FYCO1: variants seen among roughly 807,000 people sequenced by gnomAD.
The protein encoded by FYCO1 is FYVE and coiled-coil domain autophagy adaptor 1.
In FYCO1, 122 loss-of-function variants were observed where a neutral mutation model predicts 165.1. The ratio of observed to expected loss-of-function variants is 0.74; its 90% CI spans 0.64 to 0.86. The LOEUF (loss-of-function observed/expected upper bound fraction) is 0.86, where lower values mean the gene tolerates loss of function less well. Ranked by LOEUF, FYCO1 falls within the 40% of genes least tolerant of loss-of-function variation. FYCO1 has a pLI of 0.00. For synonymous variants in FYCO1, 648 were observed against 742.5 expected, an observed-to-expected ratio of 0.87 and a Z score of 2.07; for missense variants, 1,702 against 1,810.3, an observed-to-expected ratio of 0.94 and a Z score of 1.09.
Position 45,979,914 on chromosome 3 carries a change from C to T in FYCO1, c.163-84G>A, listed in dbSNP as rs538799425. 1.1e-4 allele frequency: 169 copies of T among 1,540,660 alleles called. 1 individual carries two copies. In the South Asian group the frequency reaches 1.7e-3, roughly 16 times the overall value. ...TTTAAATGATAAATAATAACAATAG[C>T]TTCTTAGGTGCCAGCACTGGGTGAG... On this transcript the variant is annotated intron_variant, in intron 3 of 17. Coordinates refer to ENST00000296137, the MANE Select transcript of FYCO1 (RefSeq NM_024513.4).
chr3:45,980,168 G>A (rs1310445319), intron 3 of FYCO1, among the ~76,000 whole-genome samples: 1 of 152,146 alleles, frequency 6.6e-6, no homozygotes, highest in Non-Finnish European at 1.5e-5. Context: ...GGCCAACATG[G>A]TGAAACCCCA....
At chr3:45,995,039 T>C (rs1427310254) in intron 1 of FYCO1, among the ~76,000 whole-genome samples, 59 of 123,642 alleles carry the variant, frequency 4.8e-4, no homozygotes, top group East Asian at 8.3e-4. Flanking sequence ...CCCGCCATCC[T>C]CCCCCCTCCC....
Position 45,975,359 on chromosome 3 carries a change from A to T in FYCO1, c.289-14T>A, listed in dbSNP as rs751552. ...GGATGTTCGGAGCTGGAAAAAGCAG[A>T]TTACATAGAGCCAAAGAGCTGTCAG... On this transcript the variant is annotated splice_polypyrimidine_tract_variant and intron_variant, in intron 4 of 17. Coordinates refer to ENST00000296137, the MANE Select transcript of FYCO1 (RefSeq NM_024513.4). The T allele has an allele frequency of 0.42, 673,348 of 1,599,240 alleles. 148,401 individuals carry two copies. Among genetic ancestry groups the T allele is most frequent in the East Asian group, 0.65 (28,924 of 44,792 alleles).
Position 45,964,374 on chromosome 3 carries a change from C to T in FYCO1, c.3231G>A (p.Lys1077=). Residue 1077 remains lysine, a synonymous_variant, in exon 10 of 18, where the codon AAG becomes AAA. Coordinates refer to ENST00000296137, the MANE Select transcript of FYCO1 (RefSeq NM_024513.4). The surrounding 1 kb of genome is among the most constrained non-coding windows in gnomAD (Gnocchi z 4.1). The part of the protein sequence containing the change: ...LAECQAAMLR[K]DKEGAALRED... ...CACGCAGGGCAGCCCCCTCCTTGTC[C>T]TTCCTCAGCATGGCCGCCTGGCACT... The T allele has an allele frequency of 8.7e-6, 14 of 1,614,128 alleles. No individual in the cohort carries two copies. The highest frequency in any genetic ancestry group is 1.2e-5 in the Non-Finnish European group (14 of 1,179,960).
At position 45,931,254 on chromosome 3, in the gene FYCO1, C is replaced by G. The variant is rs756739487; in HGVS notation, c.4068G>C (p.Glu1356Asp). Reference protein sequence around the residue: ...LMIKVPLTVDEIASFGEGSRE... With the variant: ...LMIKVPLTVDDIASFGEGSRE... ...TGCTACCCTCCCCGAAGCTGGCGAT[C>G]TCATCCACTGTGAGGGGTACTTTGA... is the stretch of plus-strand genomic sequence containing the variant. The change falls in exon 16 of 18, where the codon GAG becomes GAC. Residue 1356 changes from glutamate (E) to aspartate (D), a missense_variant. Glu to Asp is a conservative substitution (Grantham distance 45). Transcript: ENST00000296137. 3.7e-6 allele frequency: 6 copies of G among 1,613,796 alleles called. No homozygotes were observed. The highest frequency in any genetic ancestry group is 5.1e-6 in the Non-Finnish European group (6 of 1,179,954).
chr3:45,968,777 T>G, intron 7 of FYCO1, 74 bp from the exon 8 acceptor site: 1 of 1,571,526 alleles, frequency 6.4e-7, no homozygotes, highest in Admixed American at 1.7e-5. Flanking sequence ...CTTTAGAGTT[T>G]AATGAGAGCA....
At position 45,967,449 on chromosome 3, in the gene FYCO1, C is replaced by A; in HGVS notation, c.1885G>T (p.Val629Phe). Residue 629 changes from valine to phenylalanine, a missense_variant, in exon 8 of 18, where the codon GTC becomes TTC. Coordinates refer to ENST00000296137, the MANE Select transcript of FYCO1 (RefSeq NM_024513.4). ...CCCTCCAGGAGCTGGTTACGCCCGA[C>A]CACATTCTGTAGCTCCTTCTCCAGC... ...RELEKELQNV[V>F]GRNQLLEGKL... The A allele has an allele frequency of 3.1e-6, 5 of 1,613,624 alleles. No individual in the cohort carries two copies. The highest frequency in any genetic ancestry group is 4.2e-6 in the Non-Finnish European group (5 of 1,180,014).
chr3:45,983,345 T>G (rs1487248221), intron 2 of FYCO1, among the ~76,000 whole-genome samples: 1 of 152,216 alleles, frequency 6.6e-6, no homozygotes. Flanking sequence ...CACTCCACTC[T>G]CATGGTAGAT....
In FYCO1 at chr3:45,959,102, T is replaced by C. The variant is rs556291332; in HGVS notation, c.3587+291A>G. Among the ~76,000 whole-genome samples the C allele has an allele frequency of 3.3e-5, 5 of 152,350 alleles. No individual in the cohort carries two copies. The East Asian group carries it at 5.8e-4, about 18-fold the overall frequency. ...TAATGCTGCTCCCCTCTGGTCCCTA[T>C]AGGAATGGTAGAAGAACTGCTAGTC... On this transcript the variant is annotated intron_variant, in intron 12 of 17. Coordinates refer to ENST00000296137, the MANE Select transcript of FYCO1 (RefSeq NM_024513.4).
Position 45,968,340 on chromosome 3 carries a change from C to T in FYCO1, c.994G>A (p.Asp332Asn), listed in dbSNP as rs758739876. ...AGCCGCCGCAGGGCTGTGTGGTAGT[C>T]CTCCTCCTTCTCTGCTGCTCCTAGC... ...LELGAAEKEE[D>N]YHTALRRLES... Residue 332 changes from aspartate (D) to asparagine (N), a missense_variant, in exon 8 of 18, where the codon GAC (aspartate) becomes AAC (asparagine). Asp to Asn is a conservative substitution (Grantham distance 23). Coordinates refer to ENST00000296137, the MANE Select transcript of FYCO1 (RefSeq NM_024513.4). The T allele has an allele frequency of 2.5e-5, 41 of 1,613,496 alleles. No individual in the cohort carries two copies. The highest frequency in any genetic ancestry group is 1.2e-4 in the Admixed American group (7 of 60,000).
chr3:45,980,354 A>G (rs201748447), intron 3 of FYCO1, among the ~76,000 whole-genome samples: 2 of 18,080 alleles, frequency 1.1e-4, no homozygotes, highest in African/African-American at 1.5e-4. Flanking sequence ...TGTCTCAAAG[A>G]AAAAAAAAAA....
chr3:45,924,891 G>A (rs1703246301), intron 16 of FYCO1, among the ~76,000 whole-genome samples: 1 of 151,128 alleles, frequency 6.6e-6, no homozygotes, highest in Admixed American at 6.6e-5. Context: ...GGGATTACAG[G>A]TGTGAGCCAC....
At chr3:45,959,189 T>C (rs1705544874) in intron 12 of FYCO1, among the ~76,000 whole-genome samples, 1 of 152,256 alleles carries the variant, frequency 6.6e-6, no homozygotes, top group Non-Finnish European at 1.5e-5. Flanking sequence ...TATTTTTTCC[T>C]TTCAGGGAGC....
rs375480539 is a variant in FYCO1 at position 45,965,133 on chromosome 3, G to A, written c.3058-8C>T. 7.5e-6 allele frequency: 12 copies of A among 1,610,428 alleles called. No individual in the cohort carries two copies. The highest frequency in any genetic ancestry group is 1.0e-5 in the Non-Finnish European group (12 of 1,177,246). ...GCACTCTTCACCAGCATTCTAGAGAGGACAAGAAAGAAAGAGGACATAAAA... is the reference window on the plus strand; with the variant it reads ...GCACTCTTCACCAGCATTCTAGAGAAGACAAGAAAGAAAGAGGACATAAAA... On this transcript the variant is annotated splice_polypyrimidine_tract_variant and splice_region_variant and intron_variant, in intron 8 of 17. Coordinates refer to ENST00000296137, the MANE Select transcript of FYCO1 (RefSeq NM_024513.4).
intron 1 of FYCO1, among the ~76,000 whole-genome samples, chr3:45,995,043 C>G (rs911253892): frequency 7.9e-5 from 12 of 150,988 alleles, no homozygotes; most frequent in East Asian, 3.9e-4. Flanking sequence ...CCATCCTCCC[C>G]CCTCCCCGCC....
At chr3:45,971,005 T>A (rs1375958306) in intron 6 of FYCO1, among the ~76,000 whole-genome samples, 3 of 152,266 alleles carry the variant, frequency 2.0e-5, no homozygotes, top group Non-Finnish European at 4.4e-5. Flanking sequence ...GGAGAAAGGA[T>A]GGCATTGGGG....
intron 1 of FYCO1, among the ~76,000 whole-genome samples, 184 bp downstream of exon 1, chr3:45,995,538 G>A (rs1575395809): frequency 2.0e-5 from 3 of 152,250 alleles, no homozygotes; most frequent in Admixed American, 2.0e-4. Flanking sequence ...CCACCTGCCC[G>A]AGGTGCTTCC....
rs1005122399 is a variant in FYCO1 at position 45,920,940 on chromosome 3, T to G, written c.*825A>C. On this transcript the variant is annotated 3_prime_UTR_variant, in exon 18 of 18. Coordinates refer to ENST00000296137, the MANE Select transcript of FYCO1 (RefSeq NM_024513.4). ...TGCTCTGTGGTCACAACATCCACAC[T>G]GGCTGGCATTTGGGCATTAGATGTA... The G allele has an allele frequency of 2.0e-5, 3 of 153,036 alleles. No individual in the cohort carries two copies. Among genetic ancestry groups the G allele is most frequent in the African/African-American group, 7.2e-5 (3 of 41,448 alleles). 9.5% of individuals were successfully genotyped at this position (153,036 alleles called of 1,614,324 possible). A position where few individuals can be genotyped will look rare whatever the true frequency, so the allele number is the denominator to read the frequency against.
chr3:45,989,629 C>T (rs1218120464), intron 1 of FYCO1, among the ~76,000 whole-genome samples: 1 of 152,232 alleles, frequency 6.6e-6, no homozygotes, highest in Non-Finnish European at 1.5e-5. Flanking sequence ...CCCAAACACT[C>T]CTTTTTGCTT....
Sources: gnomAD v4.1 joint callset for allele counts (sites outside exome capture counted in the v4.1 genomes callset) on GRCh38, gnomAD v4.1.1 for gene constraint, Gnocchi (gnomAD v3.1) non-coding constraint, MANE v1.5 for transcripts, NCBI Gene and HGNC (gene_info 2026-07-23, HGNC 2026-07-21) for gene names.